MEGF9: variants seen among roughly 807,000 people sequenced by gnomAD.
MEGF9 encodes the protein multiple EGF like domains 9, also known as multiple epidermal growth factor-like domains protein 9.
MEGF9 carries 6 observed loss-of-function variants against 46.8 expected under a neutral mutation model. The ratio of observed to expected loss-of-function variants is 0.13; its 90% CI spans 0.07 to 0.25. The LOEUF (loss-of-function observed/expected upper bound fraction) is 0.25, where lower values mean the gene tolerates loss of function less well. MEGF9 is among the 10% of genes least tolerant of loss of function. The pLI is 1.00. For synonymous variants in MEGF9, 302 were observed against 330.7 expected (o/e 0.91, Z 0.94); for missense variants, 683 against 792.4 (o/e 0.86, Z 1.66).
intron 2 of MEGF9, among the ~76,000 whole-genome samples, chr9:120,631,819 T>C (rs1039482996): frequency 1.3e-5 from 2 of 152,176 alleles, no homozygotes; most frequent in African/African-American, 4.8e-5. Flanking sequence ...ATGCCATAGA[T>C]ATTTTGATAG....
chr9:120,614,433 T>C (rs1285771391), intron 3 of MEGF9, among the ~76,000 whole-genome samples: 1 of 152,214 alleles, frequency 6.6e-6, no homozygotes, highest in African/African-American at 2.4e-5. Context: ...CATGTAATTG[T>C]AAAGGCCTGA....
At chr9:120,678,002 A>C (rs865836871) in intron 1 of MEGF9, among the ~76,000 whole-genome samples, 8 of 152,206 alleles carry the variant, frequency 5.3e-5, no homozygotes, top group South Asian at 4.1e-4. Context: ...TTTAACTTTT[A>C]GGTCCCACAA....
rs184123942 is a variant in MEGF9 at position 120,607,382 on chromosome 9, T to C, written c.1357+359A>G. On this transcript the variant is annotated intron_variant, in intron 5 of 5. Coordinates refer to ENST00000373930, the MANE Select transcript of MEGF9 (RefSeq NM_001080497.3). ...CTGGAACTTCTAACCAGATTAGATG[T>C]CCCTACTTCAAAAGACCTTTGATGA... 1.1e-3 allele frequency among the ~76,000 whole-genome samples: 166 copies of C among 152,264 alleles called. 1 individual carries two copies. Among genetic ancestry groups the C allele is most frequent in the African/African-American group, 3.8e-3 (158 of 41,554 alleles).
At chr9:120,710,074 A>T (rs1437430729) in intron 1 of MEGF9, among the ~76,000 whole-genome samples, 1 of 148,624 alleles carries the variant, frequency 6.7e-6, no homozygotes, top group Non-Finnish European at 1.5e-5. Flanking sequence ...TCATTACCTT[A>T]GTGTCTTACT....
intron 1 of MEGF9, among the ~76,000 whole-genome samples, chr9:120,711,719 G>A (rs2043953708): frequency 6.6e-6 from 1 of 152,030 alleles, no homozygotes; most frequent in Admixed American, 6.6e-5. Context: ...CTACTTAAAT[G>A]CTACTGTATG....
At chr9:120,622,351 A>T in intron 3 of MEGF9, among the ~76,000 whole-genome samples, 1 of 150,346 alleles carries the variant, frequency 6.7e-6, no homozygotes, top group African/African-American at 2.4e-5. Context: ...CAGTTTACCT[A>T]GGAAGAGTTC....
chr9:120,687,104 A>C (rs536634660), intron 1 of MEGF9, among the ~76,000 whole-genome samples: 1 of 152,372 alleles, frequency 6.6e-6, no homozygotes, highest in African/African-American at 2.4e-5. Flanking sequence ...ATGGTTACAC[A>C]TAAAATTTAT....
At chr9:120,649,520 T>C (rs761476439) in intron 2 of MEGF9, among the ~76,000 whole-genome samples, 3 of 152,160 alleles carry the variant, frequency 2.0e-5, no homozygotes, top group Non-Finnish European at 4.4e-5. Context: ...TGGAATGGTG[T>C]CCTGTCCAGG....
At chr9:120,641,269 G>A (rs2043601744) in intron 2 of MEGF9, among the ~76,000 whole-genome samples, 1 of 152,060 alleles carries the variant, frequency 6.6e-6, no homozygotes, top group African/African-American at 2.4e-5. Flanking sequence ...GCCCATGATA[G>A]GCCAATCAAC....
intron 1 of MEGF9, among the ~76,000 whole-genome samples, chr9:120,680,521 T>C (rs2043793402): frequency 6.6e-6 from 1 of 152,086 alleles, no homozygotes; most frequent in African/African-American, 2.4e-5. Flanking sequence ...ACTGGGGGTG[T>C]GGTAACGCAT....
At chr9:120,659,281 T>C (rs2043691032) in intron 2 of MEGF9, 93 bp downstream of exon 2, 2 of 973,584 alleles carry the variant, frequency 2.1e-6, no homozygotes, top group African/African-American at 1.7e-5. Context: ...CTCATCCCCC[T>C]TTGTTTAAAC....
Position 120,632,783 on chromosome 9 carries a change from G to T in MEGF9, c.804-10028C>A, listed in dbSNP as rs143633088. ...GGTACGTTTCTTCTGTCTATTTTTT[G>T]AGTGTTTTTATCACGAAGGAATGTT... On this transcript the variant is annotated intron_variant, in intron 2 of 5. Transcript: ENST00000373930. Among the ~76,000 whole-genome samples the T allele has an allele frequency of 5.9e-3, 890 of 152,136 alleles. 6 individuals carry two copies. The highest frequency in any genetic ancestry group is 9.1e-3 in the Non-Finnish European group (618 of 67,986).
intron 1 of MEGF9, among the ~76,000 whole-genome samples, chr9:120,664,922 C>T (rs192689144): frequency 2.1e-4 from 32 of 152,250 alleles, no homozygotes; most frequent in South Asian, 1.0e-3. Context: ...TTATGCAATG[C>T]GGAGTGATAT....
chr9:120,611,277 A>G (rs576956484), intron 4 of MEGF9, among the ~76,000 whole-genome samples: 9 of 152,216 alleles, frequency 5.9e-5, no homozygotes, highest in Non-Finnish European at 1.3e-4. Flanking sequence ...ATATATGTAC[A>G]TACAAAAACA....
intron 4 of MEGF9, among the ~76,000 whole-genome samples, chr9:120,608,738 A>G (rs1039311871): frequency 6.6e-6 from 1 of 152,116 alleles, no homozygotes; most frequent in Non-Finnish European, 1.5e-5. Flanking sequence ...TCTTCCTCCA[A>G]TGTTCCCTAG....
intron 3 of MEGF9, 117 bp from the exon 4 acceptor site, chr9:120,612,656 G>C: frequency 1.1e-6 from 1 of 882,630 alleles, no homozygotes; most frequent in Non-Finnish European, 1.7e-6. Context: ...ATAGGGATTG[G>C]ATAGAGTTAA....
At chr9:120,644,603 A>C (rs1473184896) in intron 2 of MEGF9, among the ~76,000 whole-genome samples, 2 of 152,214 alleles carry the variant, frequency 1.3e-5, no homozygotes, top group Admixed American at 1.3e-4. Flanking sequence ...AGTTTCTGCC[A>C]CTTATTAGTT....
chr9:120,628,929 C>G lies in MEGF9; in HGVS notation c.804-6174G>C, dbSNP rs562037803. On this transcript the variant is annotated intron_variant, in intron 2 of 5. Coordinates refer to ENST00000373930, the MANE Select transcript of MEGF9 (RefSeq NM_001080497.3). ...TCTCAATGATACAATCTCATAGCCTCTGAAAACTTTTCTCATGAGTACAAC... is the reference window on the plus strand; with the variant it reads ...TCTCAATGATACAATCTCATAGCCTGTGAAAACTTTTCTCATGAGTACAAC... Among the ~76,000 whole-genome samples the G allele has an allele frequency of 2.0e-5, 3 of 152,288 alleles. No individual in the cohort carries two copies. In the East Asian group the frequency reaches 5.8e-4, roughly 29 times the overall value.
At chr9:120,639,740 G>A (rs978781201) in intron 2 of MEGF9, among the ~76,000 whole-genome samples, 1 of 152,030 alleles carries the variant, frequency 6.6e-6, no homozygotes, top group Non-Finnish European at 1.5e-5. Flanking sequence ...AACTACCTAA[G>A]TGTTGCTATT....
Sources: allele counts gnomAD v4.1 joint callset (sites outside exome capture counted in the v4.1 genomes callset), GRCh38; gene constraint gnomAD v4.1.1; transcripts MANE v1.5; gene names NCBI Gene and HGNC (gene_info 2026-07-23, HGNC 2026-07-21).